The following ADCY2 variants were observed in gnomAD, a reference collection of about 807,000 sequenced individuals.
The protein encoded by ADCY2 is adenylate cyclase type 2.
ADCY2 carries 31 observed loss-of-function variants against 125.2 expected under a neutral mutation model. The ratio of observed to expected loss-of-function variants is 0.25; its 90% CI spans 0.19 to 0.33. The LOEUF (loss-of-function observed/expected upper bound fraction) is 0.33, where lower values mean the gene tolerates loss of function less well. Ranked by LOEUF, ADCY2 falls within the 10% of genes least tolerant of loss-of-function variation. ADCY2 has a pLI of 1.00. For synonymous variants in ADCY2, 512 were observed against 548.4 expected, an observed-to-expected ratio of 0.93 and a Z score of 0.93; for missense variants, 904 against 1,418.2, an observed-to-expected ratio of 0.64 and a Z score of 5.82.
At chr5:7,492,549 A>T (rs1389806589) in intron 2 of ADCY2, among the ~76,000 whole-genome samples, 1 of 152,158 alleles carries the variant, frequency 6.6e-6, no homozygotes, top group African/African-American at 2.4e-5. Context: ...GAGGCAATGG[A>T]TATTTGGAGA....
intron 3 of ADCY2, among the ~76,000 whole-genome samples, chr5:7,608,522 G>A (rs1164738976): frequency 2.0e-5 from 3 of 152,112 alleles, no homozygotes. Flanking sequence ...GTTGCAGTGA[G>A]CTGAGATCAC....
chr5:7,505,300 G>A (rs1224385473), intron 2 of ADCY2, among the ~76,000 whole-genome samples: 1 of 152,172 alleles, frequency 6.6e-6, no homozygotes, highest in Non-Finnish European at 1.5e-5. Flanking sequence ...ATGTCGTAAG[G>A]GTGTTATAAA....
At chr5:7,643,035 A>G (rs981981620) in intron 4 of ADCY2, among the ~76,000 whole-genome samples, 16 of 151,808 alleles carry the variant, frequency 1.1e-4, no homozygotes, top group Non-Finnish European at 1.6e-4. Context: ...AATTTTTTTT[A>G]TTTTTTTAAA....
rs550300415 is a variant in ADCY2, at chr5:7,669,729, A to G, written c.721-20962A>G. On this transcript the variant is annotated intron_variant, in intron 4 of 24. Coordinates refer to ENST00000338316, the MANE Select transcript of ADCY2 (RefSeq NM_020546.3). ...CGTGCACAGGGTTTTCTTCCAGTCC[A>G]TCAATCCTAATCACACAGGTCAAAA... Among the ~76,000 whole-genome samples, 5 of 152,208 alleles carry G rather than the reference A, an allele frequency of 3.3e-5. No homozygotes were observed. The South Asian group carries it at 8.3e-4, about 25-fold the overall frequency.
intron 16 of ADCY2, among the ~76,000 whole-genome samples, chr5:7,761,980 T>A (rs1743234721): frequency 6.6e-6 from 1 of 152,230 alleles, no homozygotes; most frequent in African/African-American, 2.4e-5. Context: ...TATTTCTTTC[T>A]CAAAAATCAT....
intron 3 of ADCY2, among the ~76,000 whole-genome samples, chr5:7,536,336 C>T (rs2036336): frequency 0.35 from 53,559 of 151,790 alleles, 10,518 homozygotes; most frequent in Admixed American, 0.44. Flanking sequence ...CATTACAGTA[C>T]TGGAGATGAT....
intron 4 of ADCY2, chr5:7,654,201 G>T (rs1173832203): frequency 4.4e-6 from 2 of 454,130 alleles, no homozygotes; most frequent in Non-Finnish European, 8.8e-6. Context: ...AGCCAGGTGA[G>T]CATGGTGTCT....
chr5:7,511,812 C>G (rs891197342), intron 2 of ADCY2, among the ~76,000 whole-genome samples: 2 of 151,806 alleles, frequency 1.3e-5, no homozygotes, highest in Admixed American at 6.6e-5. Context: ...GGAGTATGAA[C>G]ATGGCAGTGA....
At chr5:7,535,711 G>T (rs1734791970) in intron 3 of ADCY2, among the ~76,000 whole-genome samples, 1 of 152,174 alleles carries the variant, frequency 6.6e-6, no homozygotes. Context: ...TTGGAGGGAG[G>T]ATACGAAGGT....
chr5:7,501,793 G>A (rs1476511068), intron 2 of ADCY2, among the ~76,000 whole-genome samples: 5 of 152,030 alleles, frequency 3.3e-5, no homozygotes, highest in African/African-American at 9.6e-5. Context: ...TCCAAGGGGC[G>A]TCCACCAGGC....
chr5:7,763,719 G>A (rs903863786), intron 16 of ADCY2, among the ~76,000 whole-genome samples: 2 of 152,100 alleles, frequency 1.3e-5, no homozygotes, highest in Admixed American at 1.3e-4. Context: ...TCGTGCCCTC[G>A]GGTGTTCCTT....
intron 1 of ADCY2, among the ~76,000 whole-genome samples, chr5:7,401,694 T>A (rs1158045183): frequency 6.6e-6 from 1 of 152,224 alleles, no homozygotes; most frequent in East Asian, 1.9e-4. Flanking sequence ...GTCTGAGAAG[T>A]CCTGGCATAT....
intron 7 of ADCY2, among the ~76,000 whole-genome samples, chr5:7,704,748 T>A (rs150725781): frequency 1.3e-5 from 2 of 151,976 alleles, no homozygotes; most frequent in African/African-American, 2.4e-5. Context: ...CGGTTTGGCG[T>A]GCGCCTGTAA....
chr5:7,813,892 G>A (rs1579468046), intron 22 of ADCY2, among the ~76,000 whole-genome samples: 1 of 152,130 alleles, frequency 6.6e-6, no homozygotes, highest in East Asian at 1.9e-4. Context: ...CCTTACTTGG[G>A]CAGTTGTAAT....
At chr5:7,497,904 A>T in intron 2 of ADCY2, among the ~76,000 whole-genome samples, 1 of 152,114 alleles carries the variant, frequency 6.6e-6, no homozygotes, top group East Asian at 1.9e-4. Flanking sequence ...TGAAAAACAT[A>T]GACAAAAGGA....
chr5:7,800,289 G>A (rs1178306987), intron 20 of ADCY2: 1 of 152,192 alleles, frequency 6.6e-6, no homozygotes, highest in East Asian at 1.9e-4. Flanking sequence ...CTATTATTGT[G>A]CTTATTCTTG....
chr5:7,469,593 A>T (rs1396806347), intron 2 of ADCY2, among the ~76,000 whole-genome samples: 1 of 151,406 alleles, frequency 6.6e-6, no homozygotes, highest in Non-Finnish European at 1.5e-5. Context: ...GAGCTTGCAC[A>T]TTTTTTTTAA....
At chr5:7,614,339 C>T (rs1737677657) in intron 3 of ADCY2, among the ~76,000 whole-genome samples, 1 of 152,108 alleles carries the variant, frequency 6.6e-6, no homozygotes, top group Non-Finnish European at 1.5e-5. Context: ...GTACATCTGC[C>T]CTGTCCTTCC....
rs149340070 is a variant in ADCY2, at chr5:7,725,149, G to A, written c.1773+535G>A. On this transcript the variant is annotated intron_variant, in intron 13 of 24. Coordinates refer to ENST00000338316, the MANE Select transcript of ADCY2 (RefSeq NM_020546.3). ...GTAAGCAGACATTTAGTTTTTACAT[G>A]TCAAGCTATATATGGGTTTGCCAAA... 2.1e-3 allele frequency among the ~76,000 whole-genome samples: 324 copies of A among 152,268 alleles called. 1 individual carries two copies. Among genetic ancestry groups the A allele is most frequent in the African/African-American group, 7.0e-3 (292 of 41,566 alleles).
Sources: gnomAD v4.1 joint callset for allele counts (sites outside exome capture counted in the v4.1 genomes callset) on GRCh38, gnomAD v4.1.1 for gene constraint, MANE v1.5 for transcripts, NCBI Gene and HGNC (gene_info 2026-07-23, HGNC 2026-07-21) for gene names.